RYR2: variants seen among roughly 807,000 people sequenced by gnomAD.
The protein encoded by RYR2 is cardiac muscle ryanodine receptor-calcium release channel.
RYR2 carries 227 observed loss-of-function variants against 601.1 expected under a neutral mutation model. That is an observed-to-expected ratio of 0.38 (90% CI 0.34 to 0.42). RYR2 has a LOEUF of 0.42. RYR2 is among the 10% of genes least tolerant of loss of function. RYR2 has a pLI of 1.00. For missense variants in RYR2, 4,646 were observed against 6,156.5 expected (o/e 0.75, Z 8.21); for synonymous variants, 2,223 against 2,175.1 (o/e 1.02, Z -0.61).
intron 58 of RYR2, among the ~76,000 whole-genome samples, chr1:237,671,676 T>A (rs1273829560): frequency 6.6e-6 from 1 of 152,022 alleles, no homozygotes; most frequent in African/African-American, 2.4e-5. Flanking sequence ...TGAATCTGCT[T>A]TAGGGAAATC....
In RYR2 at chr1:237,355,984, G is replaced by A; in HGVS notation, c.293G>A (p.Trp98Ter). The A allele has an allele frequency of 2.5e-6, 4 of 1,606,568 alleles. No homozygotes were observed. The highest frequency in any genetic ancestry group is 3.4e-6 in the Non-Finnish European group (4 of 1,175,900). The change falls in exon 4 of 105, where the codon TGG becomes TAG. Residue 98 changes from tryptophan (W) to a stop codon, truncating the protein, a stop_gained and splice_region_variant. Transcript: ENST00000366574. LOFTEE classifies it high-confidence loss of function. ...KSEGQVDVEK[W>*]KFMMKTAQGG... ...CCACAGCAAGTTGATGTGGAAAAAT[G>A]GGTATGTGTTTCCATGTATTTGCAA...
At chr1:237,061,276 CATCTATCTATCTATCTATCTATCT>C (rs55852744) in intron 1 of RYR2, among the ~76,000 whole-genome samples, 5 of 98,720 alleles carry the variant, frequency 5.1e-5, no homozygotes, top group African/African-American at 1.0e-4. Flanking sequence ...ATCCATCTAT[CATCTATCTATCTATCTATCTATCT>C]ATCTATCTAT....
At chr1:237,481,688 G>GA (rs1041283526) in intron 17 of RYR2, among the ~76,000 whole-genome samples, 4 of 151,242 alleles carry the variant, frequency 2.6e-5, no homozygotes, top group African/African-American at 9.7e-5. Flanking sequence ...TAAACTCGTG[G>GA]AAAAAAACAA....
intron 29 of RYR2, among the ~76,000 whole-genome samples, chr1:237,571,348 C>G (rs1302647486): frequency 7.4e-6 from 1 of 135,216 alleles, no homozygotes; most frequent in Non-Finnish European, 1.5e-5. Flanking sequence ...GAGTTTCACT[C>G]TTGTTGCCCA....
At chr1:237,508,742 T>TC in intron 23 of RYR2, among the ~76,000 whole-genome samples, 1 of 131,496 alleles carries the variant, frequency 7.6e-6, no homozygotes, top group African/African-American at 2.9e-5. Context: ...TTCTTTTTTT[T>TC]TTTTTTTTTT....
rs757364685 is a variant in RYR2, at chr1:237,678,045, C to T, written c.8831-3C>T. ...TTTACCTAAAAACTCTTCAAATCTA[C>T]AGATGGTGGCAGCAGAGGCAAAGGA... On this transcript the variant is annotated splice_region_variant and splice_polypyrimidine_tract_variant and intron_variant, in intron 60 of 104. Transcript: ENST00000366574. 1 of 1,591,148 alleles carries T rather than the reference C, an allele frequency of 6.3e-7. No individual in the cohort carries two copies. The highest frequency in any genetic ancestry group is 8.6e-7 in the Non-Finnish European group (1 of 1,160,690).
chr1:237,262,708 A>C (rs549723195), intron 1 of RYR2, among the ~76,000 whole-genome samples: 54 of 152,294 alleles, frequency 3.5e-4, no homozygotes, highest in Non-Finnish European at 6.5e-4. Flanking sequence ...GTTTCCGTGG[A>C]GTTTAAGCTG....
At chr1:237,579,417 C>T (rs2990547) in intron 29 of RYR2, among the ~76,000 whole-genome samples, 53,154 of 151,614 alleles carry the variant, frequency 0.35, 10,944 homozygotes, top group Admixed American at 0.47. Context: ...CCACCATGCC[C>T]GGCTAATTTT....
intron 16 of RYR2, 107 bp downstream of exon 16, chr1:237,456,842 T>C: frequency 7.8e-7 from 1 of 1,284,152 alleles, no homozygotes; most frequent in Non-Finnish European, 1.1e-6. Context: ...TTTGGGAGGC[T>C]GAGGTGGGAG....
chr1:237,657,793 A>T lies in RYR2; in HGVS notation c.8130-151A>T, dbSNP rs1683396402. ...TTGACTTTTCTTATATTGTTGTGAA[A>T]ATAGAAAAATGTAATTCTAAAAAAA... On this transcript the variant is annotated intron_variant, in intron 53 of 104. Transcript: ENST00000366574. 1.2e-5 allele frequency: 6 copies of T among 485,630 alleles called. No homozygotes were observed. In the South Asian group the frequency reaches 1.9e-4, roughly 15 times the overall value. 30.1% of individuals were successfully genotyped at this position (485,630 alleles called of 1,614,324 possible).
rs547720332 is a variant in RYR2 at position 237,676,779 on chromosome 1, A to G, written c.8831-1269A>G. 1.1e-4 allele frequency among the ~76,000 whole-genome samples: 16 copies of G among 152,262 alleles called. No individual in the cohort carries two copies. The South Asian group carries it at 3.3e-3, about 32-fold the overall frequency. On this transcript the variant is annotated intron_variant, in intron 60 of 104. Transcript: ENST00000366574. ...ATATGCCTTTTTCTAATTGTTGTAT[A>G]ATACCGTAGATTGTAATCTCTCCAC...
chr1:237,746,417 G>C lies in RYR2; in HGVS notation c.11145+4068G>C, dbSNP rs1366816017. On this transcript the variant is annotated intron_variant, in intron 80 of 104. Transcript: ENST00000366574. ...TAAAGTCATTGAGAAGAGAAACGAAGTAGGTAAAAAGAAAAGTGCTATTAT... is the reference window on the plus strand; with the variant it reads ...TAAAGTCATTGAGAAGAGAAACGAACTAGGTAAAAAGAAAAGTGCTATTAT... 2.6e-5 allele frequency among the ~76,000 whole-genome samples: 4 copies of C among 152,044 alleles called. No homozygotes were observed. The South Asian group carries it at 6.2e-4, about 24-fold the overall frequency.
intron 1 of RYR2, among the ~76,000 whole-genome samples, chr1:237,235,924 C>A (rs779407840): frequency 1.3e-5 from 2 of 152,194 alleles, no homozygotes; most frequent in South Asian, 4.1e-4. Context: ...ATGTTCAGTG[C>A]ATACTCATAT....
Position 237,614,950 on chromosome 1 carries a change from C to A in RYR2, c.5715+107C>A. On this transcript the variant is annotated intron_variant, in intron 37 of 104. Coordinates refer to ENST00000366574, the MANE Select transcript of RYR2 (RefSeq NM_001035.3). The surrounding 1 kb of genome is among the most constrained non-coding windows in gnomAD (Gnocchi z 4.3). The stretch of plus-strand genomic sequence containing the variant: ...TGTGTGTGTTTATTTCTTTGCATTC[C>A]TGTGTAATGGTAGTTCTTCATAAAA... 1 of 1,132,018 alleles carries A rather than the reference C, an allele frequency of 8.8e-7. No homozygotes were observed. The highest frequency in any genetic ancestry group is 1.8e-5 in the South Asian group (1 of 56,898). The allele number at this position is 1,132,018 out of a possible 1,614,324, so 70.1% of individuals were successfully genotyped here.
At chr1:237,270,374 T>C (rs1462111994) in intron 1 of RYR2, 123 bp from the exon 2 acceptor site, 2 of 1,356,060 alleles carry the variant, frequency 1.5e-6, no homozygotes, top group Non-Finnish European at 2.0e-6. Flanking sequence ...TTTTTGACAG[T>C]AGTTTTTACA....
At chr1:237,082,548 TATATATATAA>T (rs1245197246) in intron 1 of RYR2, among the ~76,000 whole-genome samples, 6 of 121,588 alleles carry the variant, frequency 4.9e-5, no homozygotes, top group African/African-American at 1.1e-4. Context: ...TATATATATA[TATATATATAA>T]AATCGGATAT....
chr1:237,165,127 ATT>A (rs781363135), intron 1 of RYR2, among the ~76,000 whole-genome samples: 1 of 146,962 alleles, frequency 6.8e-6, no homozygotes, highest in Non-Finnish European at 1.5e-5. Flanking sequence ...TGGCTAATTA[ATT>A]TTTTTTTTTG....
At chr1:237,503,587 A>G in intron 22 of RYR2, 82 bp downstream of exon 22, 1 of 1,329,134 alleles carries the variant, frequency 7.5e-7, no homozygotes. Flanking sequence ...ACCACAACCC[A>G]TAGGAACGAA....
At chr1:237,067,778 A>C (rs1040306174) in intron 1 of RYR2, among the ~76,000 whole-genome samples, 1 of 152,180 alleles carries the variant, frequency 6.6e-6, no homozygotes, top group East Asian at 1.9e-4. Context: ...GATTTGGCTT[A>C]CTGTAACATT....
Sources: allele counts gnomAD v4.1 joint callset (sites outside exome capture counted in the v4.1 genomes callset), GRCh38; gene constraint gnomAD v4.1.1; non-coding constraint Gnocchi (gnomAD v3.1); transcripts MANE v1.5; gene names NCBI Gene and HGNC (gene_info 2026-07-23, HGNC 2026-07-21).